Variants in PTPRD observed in about 807,000 individuals in gnomAD.
PTPRD encodes protein tyrosine phosphatase receptor type D, also known as receptor-type tyrosine-protein phosphatase delta.
PTPRD carries 34 observed loss-of-function variants against 214.5 expected under a neutral mutation model. That is an observed-to-expected ratio of 0.16 (90% CI 0.12 to 0.21). PTPRD has a LOEUF of 0.21. PTPRD is among the 10% of genes least tolerant of loss of function. The pLI, the probability that PTPRD is intolerant of heterozygous loss-of-function variation, is 1.00. For synonymous variants in PTPRD, 1,128 were observed against 845.7 expected, an observed-to-expected ratio of 1.33 and a Z score of -5.79; for missense variants, 2,545 against 2,398.7, an observed-to-expected ratio of 1.06 and a Z score of -1.27.
chr9:8,417,308 G>A (rs979639682), intron 35 of PTPRD, among the ~76,000 whole-genome samples: 19 of 152,114 alleles, frequency 1.2e-4, no homozygotes, highest in Admixed American at 5.2e-4. Flanking sequence ...ACCCAACAGT[G>A]CTGCCCCAAA....
At chr9:8,543,161 G>A (rs1180476902) in intron 14 of PTPRD, among the ~76,000 whole-genome samples, 1 of 152,168 alleles carries the variant, frequency 6.6e-6, no homozygotes, top group African/African-American at 2.4e-5. Context: ...ATACTCAGAA[G>A]CGATGTAATA....
chr9:10,469,053 T>A (rs988518551), intron 2 of PTPRD, among the ~76,000 whole-genome samples: 1 of 152,132 alleles, frequency 6.6e-6, no homozygotes, highest in Non-Finnish European at 1.5e-5. Context: ...TTAAAAATTA[T>A]CCTCTTTAAA....
At chr9:9,333,517 TATATATATAA>T (rs1316029488) in intron 9 of PTPRD, among the ~76,000 whole-genome samples, 4 of 145,146 alleles carry the variant, frequency 2.8e-5, no homozygotes, top group African/African-American at 1.0e-4. Flanking sequence ...TATATATATA[TATATATATAA>T]AGTCTGCAAT....
chr9:10,525,435 C>T (rs1157925217), intron 2 of PTPRD, among the ~76,000 whole-genome samples: 1 of 151,968 alleles, frequency 6.6e-6, no homozygotes, highest in Non-Finnish European at 1.5e-5. Flanking sequence ...ATTATATACT[C>T]AGTACAAATT....
At chr9:8,611,792 G>C (rs2095458381) in intron 14 of PTPRD, among the ~76,000 whole-genome samples, 1 of 121,150 alleles carries the variant, frequency 8.3e-6, no homozygotes, top group African/African-American at 3.5e-5. Context: ...GGGGAGGGGA[G>C]AGAAAAGAAA....
chr9:9,367,861 T>C (rs1478713155), intron 9 of PTPRD, among the ~76,000 whole-genome samples: 2 of 151,676 alleles, frequency 1.3e-5, no homozygotes, highest in Admixed American at 6.6e-5. Context: ...ATTCTGTTCC[T>C]AGAATAAGAT....
rs142535626 is a variant in PTPRD, at chr9:9,760,129, C to T, written c.-326+6681G>A. 2.2e-3 allele frequency among the ~76,000 whole-genome samples: 333 copies of T among 152,172 alleles called. 1 individual carries two copies. Among genetic ancestry groups the T allele is most frequent in the African/African-American group, 7.6e-3 (315 of 41,536 alleles). The stretch of plus-strand genomic sequence containing the variant: ...TCTCGTTACAAAGTGGATATCGCTA[C>T]CCTATTTCTGTGTGTAATCTGAGTT... On this transcript the variant is annotated intron_variant, in intron 6 of 45. Coordinates refer to ENST00000381196, the MANE Select transcript of PTPRD (RefSeq NM_002839.4).
chr9:10,181,026 A>C (rs557663506), intron 3 of PTPRD, among the ~76,000 whole-genome samples: 1 of 152,244 alleles, frequency 6.6e-6, no homozygotes, highest in East Asian at 1.9e-4. Flanking sequence ...TACCACTCCT[A>C]CTGTGTAGCA....
intron 8 of PTPRD, among the ~76,000 whole-genome samples, chr9:9,472,934 G>T (rs2094728454): frequency 6.6e-6 from 1 of 152,012 alleles, no homozygotes; most frequent in Admixed American, 6.5e-5. Flanking sequence ...AGGATAATTA[G>T]CATATCCACA....
chr9:8,862,227 G>C (rs985050080), intron 11 of PTPRD: 1 of 152,154 alleles, frequency 6.6e-6, no homozygotes, highest in African/African-American at 2.4e-5. Flanking sequence ...GTGGTGGCAC[G>C]TGTCTGTAAT....
intron 8 of PTPRD, among the ~76,000 whole-genome samples, chr9:9,470,477 A>G (rs2094513273): frequency 6.6e-6 from 1 of 152,222 alleles, no homozygotes; most frequent in East Asian, 1.9e-4. Context: ...AATACAAAGT[A>G]TTTTATTAAT....
chr9:9,232,728 C>A (rs1364513453), intron 9 of PTPRD, among the ~76,000 whole-genome samples: 1 of 152,030 alleles, frequency 6.6e-6, no homozygotes, highest in Non-Finnish European at 1.5e-5. Context: ...TGAAACAATA[C>A]TCCAAAGTAT....
chr9:10,363,381 T>C (rs911187162), intron 2 of PTPRD, among the ~76,000 whole-genome samples: 6 of 152,192 alleles, frequency 3.9e-5, no homozygotes, highest in African/African-American at 1.2e-4. Context: ...AAATAAGCCC[T>C]CTGTGCATCA....
intron 4 of PTPRD, among the ~76,000 whole-genome samples, chr9:10,015,775 A>T (rs2096696714): frequency 6.6e-6 from 1 of 152,204 alleles, no homozygotes; most frequent in South Asian, 2.1e-4. Context: ...TTATCATAGT[A>T]TCTTAAGAAA....
intron 3 of PTPRD, among the ~76,000 whole-genome samples, chr9:10,180,982 T>C (rs1413156952): frequency 6.6e-6 from 1 of 152,066 alleles, no homozygotes; most frequent in Admixed American, 6.6e-5. Flanking sequence ...CTTTAGAATT[T>C]ATTAAGATTA....
intron 7 of PTPRD, among the ~76,000 whole-genome samples, chr9:9,701,395 G>C (rs1009583353): frequency 7.2e-5 from 11 of 152,174 alleles, no homozygotes; most frequent in Admixed American, 6.5e-5. Context: ...AGAGAAACTG[G>C]AGACAGGGGT....
At chr9:8,961,996 T>C (rs1431907468) in intron 11 of PTPRD, 1 of 152,162 alleles carries the variant, frequency 6.6e-6, no homozygotes, top group East Asian at 1.9e-4. Flanking sequence ...CAATGCGATG[T>C]CATTTCATGT....
At chr9:10,242,942 A>G (rs1331592370) in intron 3 of PTPRD, among the ~76,000 whole-genome samples, 2 of 150,702 alleles carry the variant, frequency 1.3e-5, no homozygotes, top group Admixed American at 6.7e-5. Context: ...GGAGGGAGGG[A>G]GAGAGAGAGA....
intron 5 of PTPRD, among the ~76,000 whole-genome samples, chr9:9,889,829 C>G (rs1208482132): frequency 1.1e-4 from 16 of 150,262 alleles, no homozygotes; most frequent in Non-Finnish European, 1.6e-4. Flanking sequence ...GTGTGTGTGT[C>G]TGTGTGTGGT....
Sources: allele counts gnomAD v4.1 joint callset (sites outside exome capture counted in the v4.1 genomes callset), GRCh38; gene constraint gnomAD v4.1.1; transcripts MANE v1.5; gene names NCBI Gene and HGNC (gene_info 2026-07-23, HGNC 2026-07-21).